The following NUDC variants were observed in gnomAD, a reference collection of about 807,000 sequenced individuals.
NUDC encodes nuclear distribution C, dynein complex regulator.
NUDC carries 14 observed loss-of-function variants against 45.0 expected under a neutral mutation model. The ratio of observed to expected loss-of-function variants is 0.31; its 90% CI spans 0.21 to 0.49. NUDC has a LOEUF of 0.49. Among genes scored for constraint, NUDC ranks in the 20% least tolerant of loss-of-function variants. The pLI is 0.99. For missense variants in NUDC, 323 were observed against 426.2 expected (o/e 0.76, Z 2.13); for synonymous variants, 153 against 156.7 (o/e 0.98, Z 0.17).
chr1:26,940,963 C>T (rs934982900), intron 2 of NUDC, among the ~76,000 whole-genome samples: 19 of 151,554 alleles, frequency 1.3e-4, no homozygotes, highest in Non-Finnish European at 2.4e-4. Context: ...TGCTCTGTCA[C>T]CAGGCTGGAG....
In NUDC at chr1:26,946,258, T is replaced by C; in HGVS notation, c.*77T>C. 1 of 1,309,932 alleles carries C rather than the reference T, an allele frequency of 7.6e-7. No homozygotes were observed. The highest frequency in any genetic ancestry group is 1.5e-5 in the African/African-American group (1 of 68,826). 81.1% of individuals were successfully genotyped at this position (1,309,932 alleles called of 1,614,324 possible). On this transcript the variant is annotated 3_prime_UTR_variant, in exon 9 of 9. Coordinates refer to ENST00000321265, the MANE Select transcript of NUDC (RefSeq NM_006600.4). ...TTTCTTTCCCACTCTTCTCTGGGAC[T>C]TGTGGGCCTCAGGGCTTGGGGCAGG...
chr1:26,901,981 C>T (rs1433201763), intron 1 of NUDC, among the ~76,000 whole-genome samples: 1 of 152,164 alleles, frequency 6.6e-6, no homozygotes, highest in African/African-American at 2.4e-5. Flanking sequence ...AAAATGACTG[C>T]ACATGTTTAT....
Position 26,928,583 on chromosome 1 carries a change from A to G in NUDC, c.159+4417A>G, listed in dbSNP as rs533403808. 8.5e-5 allele frequency among the ~76,000 whole-genome samples: 13 copies of G among 152,272 alleles called. No individual in the cohort carries two copies. In the South Asian group the frequency reaches 2.1e-3, roughly 24 times the overall value. The stretch of plus-strand genomic sequence containing the variant: ...CTTGTGGCACATGCCTTTAGTCCCA[A>G]CCACTCAGGAGGCTGAGGTAGGAGG... On this transcript the variant is annotated intron_variant, in intron 2 of 8. Coordinates refer to ENST00000321265, the MANE Select transcript of NUDC (RefSeq NM_006600.4).
Position 26,921,845 on chromosome 1 carries a change from C to G in NUDC, c.-4C>G. ...GCTCCGGGACGTGGATCGGAGCCGG[C>G]GCGATGGGCGGAGAGCAGGAGGAGG... On this transcript the variant is annotated 5_prime_UTR_variant, in exon 1 of 9. Transcript: ENST00000321265. The G allele has an allele frequency of 6.4e-7, 1 of 1,551,772 alleles. No individual in the cohort carries two copies. Among genetic ancestry groups the G allele is most frequent in the Non-Finnish European group, 8.7e-7 (1 of 1,147,712 alleles).
In NUDC at chr1:26,943,519, T is replaced by C. The variant is rs568206651; in HGVS notation, c.741+454T>C. Reference sequence around the variant, plus strand: ...AGGCTTGAGTCAGGAAAAGAGCTCGTTGATTTACCCAAGCTCCTACCTCTG... The same window carrying C: ...AGGCTTGAGTCAGGAAAAGAGCTCGCTGATTTACCCAAGCTCCTACCTCTG... On this transcript the variant is annotated intron_variant, in intron 6 of 8. Coordinates refer to ENST00000321265, the MANE Select transcript of NUDC (RefSeq NM_006600.4). 6.6e-5 allele frequency among the ~76,000 whole-genome samples: 10 copies of C among 152,242 alleles called. No individual in the cohort carries two copies. In the East Asian group the frequency reaches 1.9e-3, roughly 29 times the overall value.
chr1:26,938,767 G>A (rs2082254589), intron 2 of NUDC, among the ~76,000 whole-genome samples: 1 of 152,160 alleles, frequency 6.6e-6, no homozygotes, highest in Non-Finnish European at 1.5e-5. Flanking sequence ...CTTGAAAGAG[G>A]GTTTATTGAC....
intron 3 of NUDC, among the ~76,000 whole-genome samples, chr1:26,915,299 G>C (rs1209180452): frequency 6.6e-6 from 1 of 152,162 alleles, no homozygotes; most frequent in Non-Finnish European, 1.5e-5. Flanking sequence ...TGCACAGCCA[G>C]AGCCTGAGAT....
At chr1:26,909,785 C>T (rs2082017813) in intron 2 of NUDC, among the ~76,000 whole-genome samples, 1 of 151,808 alleles carries the variant, frequency 6.6e-6, no homozygotes. Flanking sequence ...AGAGAGAGTC[C>T]TGGGGGCCTG....
chr1:26,900,676 C>G (rs2081973957), intron 1 of NUDC, among the ~76,000 whole-genome samples: 2 of 152,014 alleles, frequency 1.3e-5, no homozygotes, highest in Non-Finnish European at 1.5e-5. Flanking sequence ...TCATAAAGCT[C>G]TCATGAGGAC....
chr1:26,900,530 A>C, intron 1 of NUDC: 1 of 1,086,898 alleles, frequency 9.2e-7, no homozygotes, highest in Non-Finnish European at 1.3e-6. Context: ...GATTGTGAAA[A>C]TTCTAACTAG....
intron 1 of NUDC, chr1:26,900,523 T>C: frequency 8.2e-7 from 1 of 1,220,006 alleles, no homozygotes; most frequent in Non-Finnish European, 1.2e-6. Context: ...GTTGCGAGAT[T>C]GTGAAAATTC....
rs1382240028 is a variant in NUDC at position 26,942,161 on chromosome 1, G to A, written c.429+343G>A. 2.0e-5 allele frequency among the ~76,000 whole-genome samples: 3 copies of A among 152,134 alleles called. No individual in the cohort carries two copies. The East Asian group carries it at 5.8e-4, about 29-fold the overall frequency. ...ACAAAAATTAGCCAGGCATGGTGGT[G>A]GGCGCCCGTAATCCCAGCTACTCGG... On this transcript the variant is annotated intron_variant, in intron 4 of 8. Transcript: ENST00000321265.
rs374361879 is a variant in NUDC, at chr1:26,943,957, G to A, written c.741+892G>A. ...CAGTGGCGCGATCTCGGCTCACTGC[G>A]AGCTCCGCCTCCTGGGTTCATGCCA... is the stretch of plus-strand genomic sequence containing the variant. On this transcript the variant is annotated intron_variant, in intron 6 of 8. Coordinates refer to ENST00000321265, the MANE Select transcript of NUDC (RefSeq NM_006600.4). 4.0e-5 allele frequency among the ~76,000 whole-genome samples: 6 copies of A among 150,572 alleles called. No individual in the cohort carries two copies. In the East Asian group the frequency reaches 6.0e-4, roughly 15 times the overall value.
rs535833240 is a variant in NUDC, at chr1:26,941,521, C to G, written c.224C>G (p.Ala75Gly). 22 of 1,613,988 alleles carry G rather than the reference C, an allele frequency of 1.4e-5. No individual in the cohort carries two copies. In the South Asian group the frequency reaches 2.2e-4, roughly 16 times the overall value. ...LAQKTRREKR[A>G]RQEAERREKA... ...CAGAAGACCCGGCGGGAGAAGAGAG[C>G]CCGGCAGGAGGCCGAGCGGCGGGAG... Residue 75 changes from alanine to glycine, a missense_variant, in exon 3 of 9, where the codon GCC becomes GGC. This residue lies in a region of NUDC where 245 missense variants were observed against 278.8 expected (regional missense o/e 0.88). Coordinates refer to ENST00000321265, the MANE Select transcript of NUDC (RefSeq NM_006600.4).
At chr1:26,911,229 C>G in exon 3 of NUDC, 2 of 464,914 alleles carry the variant, frequency 4.3e-6, no homozygotes, top group South Asian at 3.2e-5. Flanking sequence ...ATTGGGCTTT[C>G]ACTGTGGTAA....
upstream of NUDC, chr1:26,921,677 A>C: frequency 3.0e-6 from 2 of 671,088 alleles, no homozygotes; most frequent in Non-Finnish European, 5.1e-6. Flanking sequence ...ACCGGGAGGA[A>C]GGCGGGAAGA....
At chr1:26,915,848 A>C (rs1042502715) in intron 3 of NUDC, among the ~76,000 whole-genome samples, 4 of 152,084 alleles carry the variant, frequency 2.6e-5, no homozygotes, top group Non-Finnish European at 4.4e-5. Flanking sequence ...TTAATCCTTA[A>C]ATTTATAAAG....
chr1:26,916,348 C>T (rs1272417609), intron 3 of NUDC, among the ~76,000 whole-genome samples: 1 of 151,984 alleles, frequency 6.6e-6, no homozygotes, highest in Non-Finnish European at 1.5e-5. Flanking sequence ...GACTGTGTTA[C>T]TGCCCTCCTG....
At chr1:26,934,476 C>T (rs1037040856) in intron 2 of NUDC, among the ~76,000 whole-genome samples, 3 of 152,108 alleles carry the variant, frequency 2.0e-5, no homozygotes, top group East Asian at 1.9e-4. Context: ...CTGGTACCCC[C>T]GCCAAATCTC....
Sources: allele counts gnomAD v4.1 joint callset (sites outside exome capture counted in the v4.1 genomes callset), GRCh38; gene constraint gnomAD v4.1.1; regional missense constraint gnomAD v4.1.1; transcripts MANE v1.5; gene names NCBI Gene and HGNC (gene_info 2026-07-23, HGNC 2026-07-21).